The following RPA1 variants were observed in gnomAD, a reference collection of about 807,000 sequenced individuals.
RPA1 encodes the protein replication protein A1, also known as replication protein A 70 kDa DNA-binding subunit.
Under a neutral mutation model 83.0 loss-of-function variants are expected in RPA1, and 49 were observed. The ratio of observed to expected loss-of-function variants is 0.59; its 90% CI spans 0.47 to 0.75. The LOEUF (loss-of-function observed/expected upper bound fraction) is 0.75, where lower values mean the gene tolerates loss of function less well. RPA1 is among the 30% of genes least tolerant of loss of function. RPA1 has a pLI of 0.00. For missense variants in RPA1, 693 were observed against 776.1 expected, an observed-to-expected ratio of 0.89 and a Z score of 1.27; for synonymous variants, 279 against 281.8, an observed-to-expected ratio of 0.99 and a Z score of 0.10.
intron 5 of RPA1, chr17:1,858,170 G>T: frequency 6.2e-7 from 1 of 1,614,008 alleles, no homozygotes; most frequent in Non-Finnish European, 8.5e-7. Flanking sequence ...TTCCAGGTAT[G>T]ATACATGAGA....
chr17:1,897,448 A>G lies in RPA1; in HGVS notation c.*273A>G, dbSNP rs75903902. Reference sequence around the variant, plus strand: ...TCCCTCTGCCTTCAGGCTTCTGTCAATTTCATTATCATCAAGCAGGAATTA... The same window carrying G: ...TCCCTCTGCCTTCAGGCTTCTGTCAGTTTCATTATCATCAAGCAGGAATTA... On this transcript the variant is annotated 3_prime_UTR_variant, in exon 17 of 17. Coordinates refer to ENST00000254719, the MANE Select transcript of RPA1 (RefSeq NM_002945.5). 294 of 334,046 alleles carry G rather than the reference A, an allele frequency of 8.8e-4. No individual in the cohort carries two copies. The highest frequency in any genetic ancestry group is 1.6e-3 in the Admixed American group (36 of 22,360). The allele number at this position is 334,046 out of a possible 1,614,324, so 20.7% of individuals were successfully genotyped here.
intron 16 of RPA1, 57 bp downstream of exon 16, chr17:1,895,152 C>A (rs1360629102): frequency 2.2e-6 from 3 of 1,389,362 alleles, no homozygotes; most frequent in Non-Finnish European, 2.0e-6. Context: ...TTGTCACCTA[C>A]GGCAGTGTCG....
At chr17:1,872,179 T>G in intron 5 of RPA1, 7 of 499,020 alleles carry the variant, frequency 1.4e-5, no homozygotes, top group Non-Finnish European at 2.2e-5. Context: ...GGGGAGAACC[T>G]CATTAACACT....
At chr17:1,846,621 T>G (rs565983700) in intron 4 of RPA1, among the ~76,000 whole-genome samples, 3 of 152,046 alleles carry the variant, frequency 2.0e-5, no homozygotes, top group Non-Finnish European at 4.4e-5. Context: ...TGGCCGGCCG[T>G]CCATATTCTT....
chr17:1,883,370 C>A (rs370924378), intron 12 of RPA1, among the ~76,000 whole-genome samples: 1 of 152,196 alleles, frequency 6.6e-6, no homozygotes, highest in South Asian at 2.1e-4. Context: ...ACCATGTTGG[C>A]CAGGATAGTC....
At chr17:1,833,439 T>C (rs1911695586) in intron 1 of RPA1, among the ~76,000 whole-genome samples, 1 of 152,228 alleles carries the variant, frequency 6.6e-6, no homozygotes, top group South Asian at 2.1e-4. Context: ...AGAACTATTG[T>C]TGGACTCAAG....
At chr17:1,860,132 T>G (rs1226447754) in intron 5 of RPA1, among the ~76,000 whole-genome samples, 1 of 152,090 alleles carries the variant, frequency 6.6e-6, no homozygotes, top group Non-Finnish European at 1.5e-5. Flanking sequence ...TTTGTGGACA[T>G]GGAGTCCTGC....
intron 2 of RPA1, among the ~76,000 whole-genome samples, chr17:1,843,699 C>T (rs1036781011): frequency 2.0e-5 from 3 of 151,034 alleles, no homozygotes; most frequent in South Asian, 2.1e-4. Context: ...ATAGGCAGCT[C>T]GTTTTACTTC....
rs371896129 is a variant in RPA1 at position 1,879,283 on chromosome 17, C to T, written c.828C>T (p.Tyr276=). The T allele has an allele frequency of 8.7e-6, 14 of 1,614,018 alleles. No homozygotes were observed. Among genetic ancestry groups the T allele is most frequent in the Admixed American group, 5.0e-5 (3 of 59,990 alleles). Residue 276 remains tyrosine, a synonymous_variant, in exon 10 of 17, where the codon TAC becomes TAT. Transcript: ENST00000254719. ...NKQFTAVKND[Y]EMTFNNETSV... is the part of the protein sequence containing the mutation. Reference sequence around the variant, plus strand: ...AGTTCACAGCTGTTAAAAATGACTACGAGATGACCTTCAATAACGAGACTT... The same window carrying T: ...AGTTCACAGCTGTTAAAAATGACTATGAGATGACCTTCAATAACGAGACTT...
rs149961073 is a variant in RPA1, at chr17:1,862,777, A to G, written c.361+9588A>G. On this transcript the variant is annotated intron_variant, in intron 5 of 16. Coordinates refer to ENST00000254719, the MANE Select transcript of RPA1 (RefSeq NM_002945.5). ...TGCTTTGTTGCCCAGGCTGGAGTGC[A>G]CTGGAACGATCTCCGCTCACTGCAA... 1.0e-2 allele frequency among the ~76,000 whole-genome samples: 1,252 copies of G among 125,760 alleles called. 31 individuals carry two copies. Among genetic ancestry groups the G allele is most frequent in the African/African-American group, 0.036 (1,177 of 32,460 alleles). 82.5% of individuals were successfully genotyped at this position (125,760 alleles called of 152,430 possible). A position where few individuals can be genotyped will look rare whatever the true frequency, so the allele number is the denominator to read the frequency against.
chr17:1,851,086 A>T (rs4790830), intron 4 of RPA1, among the ~76,000 whole-genome samples: 62,416 of 151,940 alleles, frequency 0.41, 13,122 homozygotes, highest in East Asian at 0.53. Context: ...CATCCTTTCA[A>T]CGTCCACTAT....
chr17:1,886,761 CA>C (rs1221671280), intron 13 of RPA1, among the ~76,000 whole-genome samples: 1 of 140,804 alleles, frequency 7.1e-6, no homozygotes, highest in African/African-American at 2.7e-5. Flanking sequence ...GGCTGGAGTG[CA>C]GTGGTGCAAT....
chr17:1,834,071 T>C (rs1243480480), intron 1 of RPA1, among the ~76,000 whole-genome samples: 1 of 152,100 alleles, frequency 6.6e-6, no homozygotes, highest in East Asian at 1.9e-4. Context: ...TCCCTGCTGC[T>C]TGAGAGCCTG....
At chr17:1,837,524 G>A (rs1330228807) in intron 1 of RPA1, among the ~76,000 whole-genome samples, 1 of 152,216 alleles carries the variant, frequency 6.6e-6, no homozygotes, top group Non-Finnish European at 1.5e-5. Flanking sequence ...GTAACTGAAT[G>A]TGTAAAAGAA....
chr17:1,852,288 G>A (rs1258949933), intron 4 of RPA1, among the ~76,000 whole-genome samples: 10 of 152,110 alleles, frequency 6.6e-5, no homozygotes, highest in Admixed American at 5.2e-4. Context: ...TAATTAAGAC[G>A]GAGCAGAGTG....
At chr17:1,852,954 G>A in intron 4 of RPA1, 147 bp from the exon 5 acceptor site, 1 of 644,434 alleles carries the variant, frequency 1.6e-6, no homozygotes, top group Non-Finnish European at 2.7e-6. Flanking sequence ...TAATGATGCG[G>A]CGAAAGATGA....
At chr17:1,865,769 A>G (rs1439194341) in intron 5 of RPA1, among the ~76,000 whole-genome samples, 2 of 152,096 alleles carry the variant, frequency 1.3e-5, no homozygotes, top group African/African-American at 4.8e-5. Flanking sequence ...TACTGTGTAC[A>G]CTATCGTGTC....
rs147164696 is a variant in RPA1 at position 1,850,096 on chromosome 17, C to T, written c.273-3005C>T. On this transcript the variant is annotated intron_variant, in intron 4 of 16. Transcript: ENST00000254719. ...CTGAGGCAGGAGAATCACTTGAACC[C>T]GGGAGATGGAGGTTGCAGTGAGTTG... is the stretch of plus-strand genomic sequence containing the variant. Among the ~76,000 whole-genome samples the T allele has an allele frequency of 3.3e-4, 50 of 150,922 alleles. No individual in the cohort carries two copies. The East Asian group carries it at 7.0e-3, about 21-fold the overall frequency.
chr17:1,840,873 C>A (rs1408190804), intron 1 of RPA1, among the ~76,000 whole-genome samples: 1 of 152,034 alleles, frequency 6.6e-6, no homozygotes, highest in Non-Finnish European at 1.5e-5. Context: ...TTGAGACCAG[C>A]CTGGCCAACG....
Sources: gnomAD v4.1 joint callset for allele counts (sites outside exome capture counted in the v4.1 genomes callset) on GRCh38, gnomAD v4.1.1 for gene constraint, MANE v1.5 for transcripts, NCBI Gene and HGNC (gene_info 2026-07-23, HGNC 2026-07-21) for gene names.